Variants in SCAPER observed in about 807,000 individuals in gnomAD.
SCAPER encodes S phase cyclin A-associated protein in the endoplasmic reticulum.
Under a neutral mutation model 182.2 loss-of-function variants are expected in SCAPER, and 98 were observed. That is an observed-to-expected ratio of 0.54 (90% CI 0.46 to 0.64). The LOEUF (loss-of-function observed/expected upper bound fraction) is 0.64. Among genes scored for constraint, SCAPER ranks in the 30% least tolerant of loss-of-function variants. The probability of loss-of-function intolerance (pLI) is 0.00; values close to 1 mark genes in which losing one functional copy is unlikely to be tolerated. For missense variants in SCAPER, 1,432 were observed against 1,690.0 expected (o/e 0.85, Z 2.68); for synonymous variants, 605 against 564.6 (o/e 1.07, Z -1.01).
Position 76,661,646 on chromosome 15 carries a change from G to A in SCAPER, c.2645+4007C>T, listed in dbSNP as rs113715202. Reference sequence around the variant, plus strand: ...CCACAATGAGATACCATCTCATGCCGGTCAGAATAGCGATTACTAATAAGT... The same window carrying A: ...CCACAATGAGATACCATCTCATGCCAGTCAGAATAGCGATTACTAATAAGT... On this transcript the variant is annotated intron_variant, in intron 21 of 31. Coordinates refer to ENST00000563290, the MANE Select transcript of SCAPER (RefSeq NM_020843.4). 8.0e-3 allele frequency among the ~76,000 whole-genome samples: 1,210 copies of A among 152,046 alleles called. 11 individuals are homozygous for A. The highest frequency in any genetic ancestry group is 0.028 in the African/African-American group (1,143 of 41,510).
At chr15:76,738,012 T>G (rs1433034956) in intron 15 of SCAPER, among the ~76,000 whole-genome samples, 2 of 152,270 alleles carry the variant, frequency 1.3e-5, no homozygotes, top group Non-Finnish European at 2.9e-5. Context: ...AGCAATAACC[T>G]GTTGTGCTTT....
intron 23 of SCAPER, among the ~76,000 whole-genome samples, chr15:76,524,704 T>G (rs2043068645): frequency 2.1e-5 from 3 of 145,866 alleles, no homozygotes; most frequent in Admixed American, 6.8e-5. Flanking sequence ...TTTTTTTTTT[T>G]TTTTTTTTTT....
intron 6 of SCAPER, among the ~76,000 whole-genome samples, chr15:76,803,905 C>A (rs1056711679): frequency 6.6e-6 from 1 of 152,116 alleles, no homozygotes; most frequent in Non-Finnish European, 1.5e-5. Context: ...CCACAACAGT[C>A]ACAGAGCTTG....
chr15:76,521,400 A>AC lies in SCAPER; in HGVS notation c.2839-16427dup, dbSNP rs398118996. ...ACCAAATCTAAGGTCAGAAAAAAAAACCCCAAATAATTAGGCTCACGACTG... is the reference window on the plus strand; with the variant it reads ...ACCAAATCTAAGGTCAGAAAAAAAAACCCCCAAATAATTAGGCTCACGACTG... On this transcript the variant is annotated intron_variant, in intron 23 of 31. Transcript: ENST00000563290. Among the ~76,000 whole-genome samples, 8 of 150,138 alleles carry AC rather than the reference A, an allele frequency of 5.3e-5. No homozygotes were observed. The East Asian group carries it at 7.8e-4, about 15-fold the overall frequency.
chr15:76,420,011 C>T (rs950918519), intron 26 of SCAPER, among the ~76,000 whole-genome samples: 1 of 152,094 alleles, frequency 6.6e-6, no homozygotes, highest in African/African-American at 2.4e-5. Flanking sequence ...TGATACACCA[C>T]ATGAACAGAA....
Position 76,774,931 on chromosome 15 carries a change from C to A in SCAPER, c.959G>T (p.Gly320Val). 6.2e-7 allele frequency: 1 copy of A among 1,613,670 alleles called. No individual in the cohort carries two copies. The highest frequency in any genetic ancestry group is 8.5e-7 in the Non-Finnish European group (1 of 1,179,720). ...ATGAGATTCTATAGTATTAGAAGTT[C>A]CATCTCCAACAAATTGACCTTTCTG... ...SIQKGQFVGD[G>V]TSNTIESHPK... Residue 320 changes from glycine to valine, a missense_variant, in exon 9 of 32, where the codon GGA (glycine) becomes GTA (valine). Transcript: ENST00000563290.
chr15:76,551,255 ACTC>A (rs372560785), intron 23 of SCAPER, among the ~76,000 whole-genome samples: 32 of 152,144 alleles, frequency 2.1e-4, no homozygotes, highest in African/African-American at 7.7e-4. Flanking sequence ...AAATATTTGC[ACTC>A]CTATGTTTAT....
At chr15:76,745,211 G>A (rs1366464220) in intron 15 of SCAPER, among the ~76,000 whole-genome samples, 6 of 152,124 alleles carry the variant, frequency 3.9e-5, no homozygotes, top group African/African-American at 1.4e-4. Context: ...AGTCCGAGGT[G>A]GGTGGATCAC....
At chr15:76,587,519 A>G (rs2048755696) in intron 22 of SCAPER, among the ~76,000 whole-genome samples, 2 of 152,196 alleles carry the variant, frequency 1.3e-5, no homozygotes, top group African/African-American at 2.4e-5. Context: ...TTAAATTTCC[A>G]TCTTGATTTC....
chr15:76,440,535 T>C (rs1285254279), intron 25 of SCAPER, among the ~76,000 whole-genome samples: 1 of 152,186 alleles, frequency 6.6e-6, no homozygotes, highest in Non-Finnish European at 1.5e-5. Flanking sequence ...TTTCAAGCTG[T>C]ACAGTGTATA....
chr15:76,572,907 T>TCACA (rs1354938338), intron 23 of SCAPER, among the ~76,000 whole-genome samples: 11 of 55,990 alleles, frequency 2.0e-4, no homozygotes, highest in African/African-American at 2.9e-4. Context: ...TCTCTCTCTC[T>TCACA]CTCTCTCTCT....
intron 15 of SCAPER, among the ~76,000 whole-genome samples, chr15:76,740,705 A>C (rs1325295702): frequency 6.6e-6 from 1 of 152,168 alleles, no homozygotes; most frequent in Admixed American, 6.5e-5. Context: ...CCTAGAAAAA[A>C]GTTTTTTTCT....
chr15:76,744,693 A>G (rs763296421), intron 15 of SCAPER, among the ~76,000 whole-genome samples: 1 of 152,218 alleles, frequency 6.6e-6, no homozygotes, highest in Non-Finnish European at 1.5e-5. Flanking sequence ...GGGAATGTAA[A>G]TTAGTTCAGC....
chr15:76,422,527 A>G (rs1449761707), intron 26 of SCAPER, among the ~76,000 whole-genome samples: 5 of 152,140 alleles, frequency 3.3e-5, no homozygotes, highest in Admixed American at 6.6e-5. Context: ...GGGCTGAGAC[A>G]ATGGGGTTTT....
chr15:76,887,828 C>G (rs764698851), intron 1 of SCAPER, among the ~76,000 whole-genome samples: 3 of 152,234 alleles, frequency 2.0e-5, no homozygotes, highest in Non-Finnish European at 4.4e-5. Flanking sequence ...CGTTTGACCT[C>G]TGAGGACAGA....
At chr15:76,537,655 T>C (rs943291466) in intron 23 of SCAPER, among the ~76,000 whole-genome samples, 1 of 151,868 alleles carries the variant, frequency 6.6e-6, no homozygotes, top group African/African-American at 2.4e-5. Context: ...GACATAGGCA[T>C]GGGCAAGGAC....
intron 23 of SCAPER, among the ~76,000 whole-genome samples, chr15:76,529,675 C>T (rs977538213): frequency 2.0e-5 from 3 of 152,162 alleles, no homozygotes; most frequent in Non-Finnish European, 2.9e-5. Flanking sequence ...AACTTTCAGG[C>T]AGAGAGAAGA....
intron 1 of SCAPER, among the ~76,000 whole-genome samples, chr15:76,888,524 C>T (rs1485514848): frequency 1.3e-5 from 2 of 151,998 alleles, no homozygotes; most frequent in East Asian, 1.9e-4. Flanking sequence ...AACTTCGTGA[C>T]GCATGCATAA....
intron 23 of SCAPER, among the ~76,000 whole-genome samples, chr15:76,525,815 A>T (rs1425723812): frequency 6.6e-6 from 1 of 152,206 alleles, no homozygotes; most frequent in Non-Finnish European, 1.5e-5. Context: ...CACAGCGGTG[A>T]ACATAAGAGT....
Sources: gnomAD v4.1 joint callset for allele counts (sites outside exome capture counted in the v4.1 genomes callset) on GRCh38, gnomAD v4.1.1 for gene constraint, MANE v1.5 for transcripts, NCBI Gene and HGNC (gene_info 2026-07-23, HGNC 2026-07-21) for gene names.